Variants in VPS13B observed in about 807,000 individuals in gnomAD.
VPS13B encodes the protein intermembrane lipid transfer protein VPS13B.
A neutral mutation model predicts 426.4 loss-of-function variants in VPS13B; 285 were observed. The observed-to-expected ratio is 0.67, with a 90% CI of 0.61 to 0.74. The LOEUF is 0.74. Among genes scored for constraint, VPS13B ranks in the 30% least tolerant of loss-of-function variants. VPS13B has a pLI of 0.00. For missense variants in VPS13B, 4,537 were observed against 4,782.6 expected (o/e 0.95, Z 1.51); for synonymous variants, 1,676 against 1,676.4 (o/e 1.00, Z 0.01).
chr8:99,721,389 A>G (rs569188418), intron 39 of VPS13B, among the ~76,000 whole-genome samples: 51 of 152,302 alleles, frequency 3.3e-4, no homozygotes, highest in Admixed American at 1.7e-3. Flanking sequence ...CAGAGTTTCT[A>G]GAACCGCCCC....
At chr8:99,463,779 G>A (rs1464064136) in intron 23 of VPS13B, among the ~76,000 whole-genome samples, 2 of 151,918 alleles carry the variant, frequency 1.3e-5, no homozygotes, top group African/African-American at 2.4e-5. Flanking sequence ...TGGAGCCTCC[G>A]CCTCCCGAGT....
chr8:99,501,874 T>C lies in VPS13B; in HGVS notation c.4042+16T>C. On this transcript the variant is annotated intron_variant, in intron 26 of 61. Coordinates refer to ENST00000357162, the MANE Select transcript of VPS13B (RefSeq NM_152564.5). ...AAAGGCACAGGTACAGGATTCCTTT[T>C]CTTTCTTCCCTCCCTCCCTCTGTCC... 6.2e-7 allele frequency: 1 copy of C among 1,610,218 alleles called. No individual in the cohort carries two copies. Among genetic ancestry groups the C allele is most frequent in the Non-Finnish European group, 8.5e-7 (1 of 1,179,152 alleles).
intron 7 of VPS13B, among the ~76,000 whole-genome samples, chr8:99,117,291 A>G (rs1469372130): frequency 6.6e-6 from 1 of 152,204 alleles, no homozygotes; most frequent in Non-Finnish European, 1.5e-5. Flanking sequence ...AAAATACAAA[A>G]TAACAGGTAT....
intron 19 of VPS13B, among the ~76,000 whole-genome samples, chr8:99,358,641 T>G (rs2133229272): frequency 6.6e-6 from 1 of 152,352 alleles, no homozygotes; most frequent in African/African-American, 2.4e-5. Context: ...CTAGAGATTG[T>G]TTCAGTTGGT....
chr8:99,043,283 G>A (rs921751771), intron 3 of VPS13B, among the ~76,000 whole-genome samples: 2 of 152,004 alleles, frequency 1.3e-5, no homozygotes, highest in Admixed American at 1.3e-4. Context: ...TTTTACATGT[G>A]ATCATTGGAA....
At chr8:99,742,143 A>C (rs1809765593) in intron 39 of VPS13B, among the ~76,000 whole-genome samples, 1 of 152,232 alleles carries the variant, frequency 6.6e-6, no homozygotes, top group East Asian at 1.9e-4. Flanking sequence ...TGAAGGGGAC[A>C]TCACCACCGA....
Position 99,511,371 on chromosome 8 carries a change from C to G in VPS13B, c.4492C>G (p.Gln1498Glu), listed in dbSNP as rs538237107. 31 of 1,613,688 alleles carry G rather than the reference C, an allele frequency of 1.9e-5. No homozygotes were observed. Among genetic ancestry groups the G allele is most frequent in the Non-Finnish European group, 2.6e-5 (31 of 1,179,952 alleles). The change falls in exon 29 of 62, where the codon CAA becomes GAA. Residue 1498 changes from glutamine to glutamate, a missense_variant. By Grantham distance (29) the Gln-to-Glu change is conservative (BLOSUM62 2). Around this residue, in one of 2 missense-constraint regions of VPS13B, gnomAD observed 4,311 missense variants for 4,474.3 expected, o/e 0.96. Coordinates refer to ENST00000357162, the MANE Select transcript of VPS13B (RefSeq NM_152564.5). ...SIFQAKLPKT[Q>E]KEKRKSPGQP... ...ATTTCAAGCAAAACTACCAAAGACCCAAAAAGAGAAAAGAAAATCTCCTGG... is the reference window on the plus strand; with the variant it reads ...ATTTCAAGCAAAACTACCAAAGACCGAAAAAGAGAAAAGAAAATCTCCTGG...
At chr8:99,299,052 CTTTTTTTT>C (rs11302301) in intron 19 of VPS13B, among the ~76,000 whole-genome samples, 376 of 55,068 alleles carry the variant, frequency 6.8e-3, no homozygotes, top group Non-Finnish European at 0.01. Context: ...TATTCCACCA[CTTTTTTTT>C]TTTTTTTTTT....
chr8:99,202,049 A>G (rs1350560540), intron 17 of VPS13B, among the ~76,000 whole-genome samples: 3 of 152,212 alleles, frequency 2.0e-5, no homozygotes, highest in Non-Finnish European at 2.9e-5. Context: ...ACCTTGCTGG[A>G]ATCATCCATC....
chr8:99,843,198 T>C (rs4073602), intron 54 of VPS13B, among the ~76,000 whole-genome samples: 3,464 of 152,176 alleles, frequency 0.023, 135 homozygotes, highest in African/African-American at 0.08. Context: ...ACTGAAGTGC[T>C]CTAACACAGA....
chr8:99,649,108 T>C (rs897685527), intron 34 of VPS13B, among the ~76,000 whole-genome samples: 13 of 152,180 alleles, frequency 8.5e-5, no homozygotes, highest in African/African-American at 1.4e-4. Flanking sequence ...GTTTCCATAT[T>C]TGTAATGTGT....
chr8:99,498,329 G>A (rs1036663380), intron 25 of VPS13B, among the ~76,000 whole-genome samples: 4 of 151,610 alleles, frequency 2.6e-5, no homozygotes, highest in African/African-American at 9.7e-5. Context: ...TGCTTAGTTG[G>A]GTCAAAACTA....
At chr8:99,668,533 G>C (rs1563853649) in intron 35 of VPS13B, among the ~76,000 whole-genome samples, 1 of 152,150 alleles carries the variant, frequency 6.6e-6, no homozygotes, top group East Asian at 1.9e-4. Flanking sequence ...CTGCTCTTTA[G>C]CATTTGTTTT....
intron 56 of VPS13B, among the ~76,000 whole-genome samples, chr8:99,858,933 G>A (rs532473505): frequency 9.9e-5 from 15 of 152,268 alleles, no homozygotes; most frequent in African/African-American, 3.6e-4. Context: ...GTCCCGGGGA[G>A]GCTTTAGAGA....
At chr8:99,827,511 CA>C (rs1307809469) in intron 51 of VPS13B, among the ~76,000 whole-genome samples, 2,020 of 131,862 alleles carry the variant, frequency 0.015, 39 homozygotes, top group African/African-American at 0.052. Flanking sequence ...TTGATCTTTT[CA>C]AAAAAAAAAA....
intron 29 of VPS13B, among the ~76,000 whole-genome samples, chr8:99,515,400 TTCCTCCTCC>T (rs751830064): frequency 5.3e-5 from 8 of 150,726 alleles, no homozygotes; most frequent in Admixed American, 1.3e-4. Flanking sequence ...CTGCTTCTGC[TTCCTCCTCC>T]TCCTCCTCCT....
At chr8:99,311,171 C>T (rs542880857) in intron 19 of VPS13B, among the ~76,000 whole-genome samples, 10 of 152,090 alleles carry the variant, frequency 6.6e-5, no homozygotes, top group Admixed American at 5.9e-4. Flanking sequence ...CTATTTCCTT[C>T]AGTTCTGCTC....
chr8:99,019,849 A>T (rs1587921129), intron 2 of VPS13B, among the ~76,000 whole-genome samples: 1 of 152,358 alleles, frequency 6.6e-6, no homozygotes, highest in African/African-American at 2.4e-5. Context: ...ATAATCTATT[A>T]TATGTACATG....
chr8:99,084,535 A>T (rs1223348220), intron 3 of VPS13B, among the ~76,000 whole-genome samples: 1 of 151,908 alleles, frequency 6.6e-6, no homozygotes, highest in African/African-American at 2.4e-5. Context: ...AGTTCTTTTA[A>T]TTGTGATGTT....
Sources: gnomAD v4.1 joint callset for allele counts (sites outside exome capture counted in the v4.1 genomes callset) on GRCh38, gnomAD v4.1.1 for gene constraint, gnomAD v4.1.1 regional missense constraint, MANE v1.5 for transcripts, NCBI Gene and HGNC (gene_info 2026-07-23, HGNC 2026-07-21) for gene names.